The following ANO1 variants were observed in gnomAD, a reference collection of about 807,000 sequenced individuals.
ANO1 encodes the protein anoctamin 1.
Under a neutral mutation model 124.0 loss-of-function variants are expected in ANO1, and 59 were observed. The ratio of observed to expected loss-of-function variants is 0.48; its 90% confidence interval spans 0.39 to 0.59. The LOEUF (loss-of-function observed/expected upper bound fraction) is 0.59. Ranked by LOEUF, ANO1 falls within the 20% of genes least tolerant of loss-of-function variation. The probability of loss-of-function intolerance (pLI) is 0.00; values close to 1 mark genes in which losing one functional copy is unlikely to be tolerated. For missense variants in ANO1, 1,059 were observed against 1,328.0 expected, an observed-to-expected ratio of 0.80 and a Z score of 3.15; for synonymous variants, 529 against 532.0, an observed-to-expected ratio of 0.99 and a Z score of 0.08.
chr11:70,001,994 C>T (rs1257405664), intron 1 of ANO1, among the ~76,000 whole-genome samples: 1 of 152,050 alleles, frequency 6.6e-6, no homozygotes, highest in Admixed American at 6.6e-5. Context: ...CAGCCATGTG[C>T]TGTAATGATG....
At chr11:69,976,054 G>T in the ANO1 span, among the ~76,000 whole-genome samples, 1 of 152,156 alleles carries the variant, frequency 6.6e-6, no homozygotes, top group Non-Finnish European at 1.5e-5. Context: ...ATGCACTGCT[G>T]GTTGCCCTTC....
At chr11:70,172,724 C>G (rs1260202371) in intron 22 of ANO1, among the ~76,000 whole-genome samples, 1 of 151,912 alleles carries the variant, frequency 6.6e-6, no homozygotes, top group Admixed American at 6.6e-5. Context: ...ACAAAATTAG[C>G]CAGGTGTGGT....
the ANO1 span, among the ~76,000 whole-genome samples, chr11:69,978,538 G>A: frequency 6.6e-6 from 1 of 152,140 alleles, no homozygotes; most frequent in African/African-American, 2.4e-5. Flanking sequence ...GTTTTTAGAG[G>A]CAGGGTCTTG....
rs761812442 is a variant in ANO1 at position 70,187,842 on chromosome 11, G to C, written c.2799G>C (p.Leu933=). 5 of 1,608,866 alleles carry C rather than the reference G, an allele frequency of 3.1e-6. No homozygotes were observed. Among genetic ancestry groups the C allele is most frequent in the Non-Finnish European group, 2.5e-6 (3 of 1,177,824 alleles). Residue 933 remains leucine (L), a synonymous_variant, in exon 26 of 26, where the codon CTG becomes CTC. Coordinates refer to ENST00000355303, the MANE Select transcript of ANO1 (RefSeq NM_018043.7). The part of the protein sequence containing the change: ...IHKEKVLMVE[L]FMREEQDKQQ... ...AGGAGAAGGTGCTCATGGTGGAGCT[G>C]TTCATGCGGGAGGAGCAAGACAAGC...
intron 1 of ANO1, chr11:70,064,692 C>T (rs1555008245): frequency 6.6e-6 from 1 of 152,306 alleles, no homozygotes; most frequent in Non-Finnish European, 1.5e-5. Context: ...TCCTTCCATC[C>T]CTCGCCGTCT....
In ANO1 at chr11:70,117,088, CTT is replaced by C. The variant is rs1192577915; in HGVS notation, c.897+591_897+592del. 2.7e-5 allele frequency among the ~76,000 whole-genome samples: 3 copies of C among 110,166 alleles called. No homozygotes were observed. The East Asian group carries it at 8.7e-4, about 32-fold the overall frequency. The allele number at this position is 110,166 out of a possible 152,430, so 72.3% of individuals were successfully genotyped here. On this transcript the variant is annotated intron_variant, in intron 8 of 25. Coordinates refer to ENST00000355303, the MANE Select transcript of ANO1 (RefSeq NM_018043.7). ...CTGGGTGACCCCTTTATTCTTTTTT[CTT>C]TGTTTCTTTCTTTTTTTTTTTTTTT...
At chr11:70,135,622 T>G (rs990364496) in intron 11 of ANO1, among the ~76,000 whole-genome samples, 1 of 152,146 alleles carries the variant, frequency 6.6e-6, no homozygotes, top group Admixed American at 6.5e-5. Context: ...GTCCAGTAAT[T>G]CCTGGGTCCA....
intron 7 of ANO1, among the ~76,000 whole-genome samples, chr11:70,115,567 A>G (rs569549928): frequency 6.6e-6 from 1 of 152,156 alleles, no homozygotes; most frequent in East Asian, 1.9e-4. Flanking sequence ...AGCCGAGATC[A>G]TGCCACTGTA....
chr11:70,028,485 T>C (rs1856947419), intron 1 of ANO1, among the ~76,000 whole-genome samples: 1 of 150,928 alleles, frequency 6.6e-6, no homozygotes, highest in South Asian at 2.1e-4. Context: ...GCCTGATCCC[T>C]GACAGGCCAG....
At chr11:69,988,176 C>T (rs1591017717) in intron 1 of ANO1, among the ~76,000 whole-genome samples, 1 of 152,186 alleles carries the variant, frequency 6.6e-6, no homozygotes, top group African/African-American at 2.4e-5. Context: ...TCAGTGGCTT[C>T]GCCCGTAAAT....
At chr11:70,031,957 C>A (rs961131828) in intron 1 of ANO1, among the ~76,000 whole-genome samples, 4 of 152,194 alleles carry the variant, frequency 2.6e-5, no homozygotes, top group African/African-American at 9.6e-5. Context: ...CCAACCCCCC[C>A]TCCTCACGGT....
At chr11:69,990,991 TC>T (rs1411064856) in intron 1 of ANO1, among the ~76,000 whole-genome samples, 1 of 152,258 alleles carries the variant, frequency 6.6e-6, no homozygotes, top group African/African-American at 2.4e-5. Flanking sequence ...ACCTACGTTT[TC>T]TTTTGTTGCT....
intron 1 of ANO1, among the ~76,000 whole-genome samples, chr11:70,019,250 C>A (rs1417147642): frequency 1.5e-5 from 2 of 130,694 alleles, no homozygotes; most frequent in Non-Finnish European, 1.6e-5. Context: ...CCCCCACACA[C>A]ACACACACAC....
chr11:70,092,261 A>C (rs2044662829), intron 2 of ANO1, among the ~76,000 whole-genome samples: 1 of 152,290 alleles, frequency 6.6e-6, no homozygotes, highest in Admixed American at 6.5e-5. Flanking sequence ...ACTCGGTTAC[A>C]TCTGCAAAGA....
chr11:70,135,354 A>G, intron 11 of ANO1, among the ~76,000 whole-genome samples: 1 of 152,218 alleles, frequency 6.6e-6, no homozygotes, highest in East Asian at 1.9e-4. Context: ...CCATGAGTTA[A>G]GGAGACGCTG....
the ANO1 span, among the ~76,000 whole-genome samples, chr11:69,971,992 G>A: frequency 2.6e-5 from 4 of 151,944 alleles, no homozygotes; most frequent in Admixed American, 1.3e-4. Flanking sequence ...AGGCCCAGGC[G>A]GGTGGATCCC....
At chr11:70,112,541 CTCTTT>C (rs1209906760) in intron 7 of ANO1, among the ~76,000 whole-genome samples, 2 of 145,472 alleles carry the variant, frequency 1.4e-5, no homozygotes, top group Non-Finnish European at 3.0e-5. Flanking sequence ...GTCCTAACTC[CTCTTT>C]TCTTTTCTTT....
chr11:70,144,642 C>T (rs1056185903), intron 11 of ANO1, among the ~76,000 whole-genome samples: 4 of 152,242 alleles, frequency 2.6e-5, no homozygotes, highest in African/African-American at 9.6e-5. Flanking sequence ...CCTGGCTTCT[C>T]GCTCGCTGCC....
chr11:69,976,380 G>A, the ANO1 span, among the ~76,000 whole-genome samples: 7 of 151,944 alleles, frequency 4.6e-5, no homozygotes, highest in African/African-American at 7.3e-5. Context: ...GGTGGTGGGC[G>A]CCTGTAGTCG....
Sources: allele counts gnomAD v4.1 joint callset (sites outside exome capture counted in the v4.1 genomes callset), GRCh38; gene constraint gnomAD v4.1.1; transcripts MANE v1.5; gene names NCBI Gene and HGNC (gene_info 2026-07-23, HGNC 2026-07-21).